SHROOM3: variants seen among roughly 807,000 people sequenced by gnomAD.
The protein encoded by SHROOM3 is protein Shroom3.
In SHROOM3, 47 loss-of-function variants were observed where a neutral mutation model predicts 138.6. The ratio of observed to expected loss-of-function variants is 0.34; its 90% CI spans 0.27 to 0.43. SHROOM3 has a LOEUF of 0.43. Among genes scored for constraint, SHROOM3 ranks in the 20% least tolerant of loss-of-function variants. The pLI is 1.00. For synonymous variants in SHROOM3, 1,062 were observed against 1,063.3 expected (o/e 1.00, Z 0.02); for missense variants, 2,491 against 2,596.5 (o/e 0.96, Z 0.88).
intron 3 of SHROOM3, among the ~76,000 whole-genome samples, chr4:76,728,050 T>A (rs1720763292): frequency 6.6e-6 from 1 of 151,626 alleles, no homozygotes; most frequent in African/African-American, 2.4e-5. Flanking sequence ...CGTGTGCCTG[T>A]AGTCCCAGCC....
At chr4:76,636,685 T>C (rs1219676978) in intron 2 of SHROOM3, among the ~76,000 whole-genome samples, 2 of 152,166 alleles carry the variant, frequency 1.3e-5, no homozygotes, top group Non-Finnish European at 2.9e-5. Context: ...ATCCCAGGGA[T>C]ATGCATGTTA....
At chr4:76,545,258 G>T (rs1223470572) in intron 1 of SHROOM3, among the ~76,000 whole-genome samples, 2 of 152,146 alleles carry the variant, frequency 1.3e-5, no homozygotes, top group Non-Finnish European at 2.9e-5. Flanking sequence ...TGGGGTCTGT[G>T]AACTTTTCTT....
chr4:76,770,757 G>A lies in SHROOM3; in HGVS notation c.5481G>A (p.Lys1827=). The A allele has an allele frequency of 6.2e-7, 1 of 1,614,198 alleles. No individual in the cohort carries two copies. The highest frequency in any genetic ancestry group is 8.5e-7 in the Non-Finnish European group (1 of 1,180,042). Residue 1827 remains lysine, a synonymous_variant, in exon 10 of 11, where the codon AAG becomes AAA. Transcript: ENST00000296043. ...EVEALISELC[K]PNEFDKYRMF... ...AGGCTCTGATCAGCGAGCTCTGCAA[G>A]CCCAATGAGTTTGACAAGTATAGGA...
At chr4:76,732,601 G>A (rs1720920034) in intron 4 of SHROOM3, among the ~76,000 whole-genome samples, 1 of 152,230 alleles carries the variant, frequency 6.6e-6, no homozygotes, top group Non-Finnish European at 1.5e-5. Flanking sequence ...TGTTCTCAGA[G>A]AGCAGGTTTC....
At chr4:76,759,303 A>G (rs1721919475) in intron 8 of SHROOM3, among the ~76,000 whole-genome samples, 1 of 152,248 alleles carries the variant, frequency 6.6e-6, no homozygotes, top group Admixed American at 6.5e-5. Context: ...GCGAGGCCAT[A>G]GCCTTGACTC....
chr4:76,639,970 T>C (rs1222055392), intron 2 of SHROOM3, among the ~76,000 whole-genome samples: 1 of 152,194 alleles, frequency 6.6e-6, no homozygotes, highest in Non-Finnish European at 1.5e-5. Flanking sequence ...ATGGTTACTC[T>C]TGTAACCATA....
intron 2 of SHROOM3, among the ~76,000 whole-genome samples, chr4:76,705,245 G>A (rs1033363271): frequency 2.0e-5 from 3 of 152,192 alleles, no homozygotes; most frequent in African/African-American, 7.2e-5. Context: ...CAAGGTGGGT[G>A]GATCACTTGA....
chr4:76,436,291 CA>C lies in SHROOM3; in HGVS notation c.168+75del, dbSNP rs1730562535. On this transcript the variant is annotated intron_variant, in intron 1 of 10. Coordinates refer to ENST00000296043, the MANE Select transcript of SHROOM3 (RefSeq NM_020859.4). ...CAACTTGTCAGATTTGTCAAAAATG[CA>C]AAATAATGAGAACTGCCTTAATATA... The C allele has an allele frequency of 1.7e-5, 26 of 1,545,818 alleles. No homozygotes were observed. In the South Asian group the frequency reaches 2.8e-4, roughly 17 times the overall value.
intron 2 of SHROOM3, among the ~76,000 whole-genome samples, chr4:76,660,857 C>T (rs2110093026): frequency 6.6e-6 from 1 of 152,210 alleles, no homozygotes; most frequent in Middle Eastern, 3.4e-3. Flanking sequence ...GGCTGAAGTG[C>T]AGGAGCACAA....
At chr4:76,653,351 G>C (rs1336878155) in intron 2 of SHROOM3, among the ~76,000 whole-genome samples, 4 of 151,640 alleles carry the variant, frequency 2.6e-5, no homozygotes, top group African/African-American at 9.7e-5. Flanking sequence ...AGCATCCCTG[G>C]CCTTTACCCA....
intron 2 of SHROOM3, among the ~76,000 whole-genome samples, chr4:76,679,372 T>C (rs1341955252): frequency 6.6e-6 from 1 of 152,156 alleles, no homozygotes; most frequent in Non-Finnish European, 1.5e-5. Flanking sequence ...TTTCCCTGGC[T>C]CTTTTTCCCC....
intron 2 of SHROOM3, among the ~76,000 whole-genome samples, chr4:76,687,157 T>G (rs1198486060): frequency 6.6e-6 from 1 of 152,168 alleles, no homozygotes; most frequent in Non-Finnish European, 1.5e-5. Flanking sequence ...ATAAAAACTT[T>G]TAAACAAAAG....
intron 1 of SHROOM3, among the ~76,000 whole-genome samples, chr4:76,472,039 C>A (rs1731386894): frequency 1.3e-5 from 2 of 152,148 alleles, no homozygotes; most frequent in Admixed American, 1.3e-4. Context: ...AAAAATAGAT[C>A]TATCTTATTA....
At chr4:76,770,543 CAGA>C (rs1423696565) in intron 9 of SHROOM3, 80 bp from the exon 10 acceptor site, 3 of 1,538,192 alleles carry the variant, frequency 2.0e-6, no homozygotes, top group Non-Finnish European at 2.7e-6. Flanking sequence ...TTGAAGATGA[CAGA>C]AGGTGGCTGG....
At chr4:76,659,915 G>C (rs775212576) in intron 2 of SHROOM3, among the ~76,000 whole-genome samples, 3 of 152,120 alleles carry the variant, frequency 2.0e-5, no homozygotes, top group Non-Finnish European at 4.4e-5. Flanking sequence ...AGAAAAGATG[G>C]GTTCATTTTG....
chr4:76,519,787 G>A (rs529882185), intron 1 of SHROOM3, among the ~76,000 whole-genome samples: 1 of 152,292 alleles, frequency 6.6e-6, no homozygotes, highest in South Asian at 2.1e-4. Context: ...GTGCATCTGG[G>A]TGTATTATTC....
intron 1 of SHROOM3, among the ~76,000 whole-genome samples, chr4:76,548,583 T>C (rs1733277682): frequency 1.3e-5 from 2 of 152,220 alleles, no homozygotes; most frequent in Admixed American, 6.5e-5. Context: ...CACCGTGCTG[T>C]TCTTCAAAGT....
At chr4:76,524,552 C>T (rs1732639853) in intron 1 of SHROOM3, among the ~76,000 whole-genome samples, 1 of 152,142 alleles carries the variant, frequency 6.6e-6, no homozygotes, top group Non-Finnish European at 1.5e-5. Flanking sequence ...CAGTATCCTG[C>T]CTTAATTAAC....
chr4:76,587,987 G>A (rs4413433), intron 2 of SHROOM3, among the ~76,000 whole-genome samples: 27,341 of 152,122 alleles, frequency 0.18, 2,569 homozygotes, highest in East Asian at 0.27. Flanking sequence ...TGAGTTAAGT[G>A]TAAATCATTT....
Sources: allele counts gnomAD v4.1 joint callset (sites outside exome capture counted in the v4.1 genomes callset), GRCh38; gene constraint gnomAD v4.1.1; transcripts MANE v1.5; gene names NCBI Gene and HGNC (gene_info 2026-07-23, HGNC 2026-07-21).